Variants in BICRA observed in about 807,000 individuals in gnomAD.
BICRA encodes BRD4-interacting chromatin-remodeling complex-associated protein.
Under a neutral mutation model 96.9 loss-of-function variants are expected in BICRA, and 31 were observed. The ratio of observed to expected loss-of-function variants is 0.32; its 90% confidence interval spans 0.24 to 0.43. The LOEUF (loss-of-function observed/expected upper bound fraction) is 0.43, where lower values mean the gene tolerates loss of function less well. Among genes scored for constraint, BICRA ranks in the 20% least tolerant of loss-of-function variants. BICRA has a pLI of 1.00. For missense variants in BICRA, 2,283 were observed against 2,190.3 expected, an observed-to-expected ratio of 1.04 and a Z score of -0.84; for synonymous variants, 1,350 against 1,071.8, an observed-to-expected ratio of 1.26 and a Z score of -5.07.
At chr19:47,610,617 C>CCCCACA (rs751553560) in intron 1 of BICRA, among the ~76,000 whole-genome samples, 2 of 146,420 alleles carry the variant, frequency 1.4e-5, no homozygotes, top group Non-Finnish European at 3.0e-5. Context: ...CACCCCCCCC[C>CCCCACA]CACACACACA....
Position 47,673,748 on chromosome 19 carries a change from C to T in BICRA, c.70C>T (p.His24Tyr). The T allele has an allele frequency of 6.2e-7, 1 of 1,613,070 alleles. No individual in the cohort carries two copies. Reference protein sequence around the residue: ...CDPQALNDFLHGSEKLDSDDL... With the variant: ...CDPQALNDFLYGSEKLDSDDL... Reference sequence around the variant, plus strand: ...CCCACAGGCCCTCAATGACTTCTTGCATGGATCCGAGAAGGTAAGCATGGG... The same window carrying T: ...CCCACAGGCCCTCAATGACTTCTTGTATGGATCCGAGAAGGTAAGCATGGG... Residue 24 changes from histidine to tyrosine, a missense_variant, in exon 4 of 15, where the codon CAT becomes TAT. Transcript: ENST00000594866.
At chr19:47,683,218 T>C (rs948661713) in intron 7 of BICRA, among the ~76,000 whole-genome samples, 1 of 152,190 alleles carries the variant, frequency 6.6e-6, no homozygotes. Flanking sequence ...TTGCCGCCTG[T>C]GGAGTGTAAA....
intron 1 of BICRA, among the ~76,000 whole-genome samples, chr19:47,610,265 C>T (rs554520427): frequency 1.2e-4 from 18 of 152,348 alleles, no homozygotes; most frequent in African/African-American, 3.4e-4. Context: ...GTCTGCTTCC[C>T]CGACTCCTGT....
At chr19:47,690,146 T>C (rs1264546249) in intron 7 of BICRA, among the ~76,000 whole-genome samples, 1 of 151,958 alleles carries the variant, frequency 6.6e-6, no homozygotes, top group African/African-American at 2.4e-5. Flanking sequence ...GGATTACAGG[T>C]GCACGCCACC....
Position 47,700,997 on chromosome 19 carries a change from C to CA in BICRA, c.3596-328dup, listed in dbSNP as rs774361402. 2.1e-5 allele frequency: 8 copies of CA among 388,696 alleles called. No individual in the cohort carries two copies. In the Admixed American group the frequency reaches 3.6e-4, roughly 18 times the overall value. 24.1% of individuals were successfully genotyped at this position (388,696 alleles called of 1,614,324 possible). A position where few individuals can be genotyped will look rare whatever the true frequency, so the allele number is the denominator to read the frequency against. On this transcript the variant is annotated intron_variant, in intron 14 of 14. Transcript: ENST00000594866. The stretch of plus-strand genomic sequence containing the variant: ...CTCACTACTGTGGCCAGGCAGGTCT[C>CA]AAACTCCTGGGCTCAAGCGATCCCC...
In BICRA at chr19:47,681,968, C is replaced by G. The variant is rs749458422; in HGVS notation, c.2107-8C>G. Reference sequence around the variant, plus strand: ...GCTTTCTGATCCTGTGCGGGCTGCCCGTTGCAGGAGAGGAGCCAGCAGCCC... The same window carrying G: ...GCTTTCTGATCCTGTGCGGGCTGCCGGTTGCAGGAGAGGAGCCAGCAGCCC... On this transcript the variant is annotated splice_region_variant and splice_polypyrimidine_tract_variant and intron_variant, in intron 6 of 14. Transcript: ENST00000594866. The G allele has an allele frequency of 6.5e-6, 10 of 1,548,256 alleles. No homozygotes were observed. Among genetic ancestry groups the G allele is most frequent in the African/African-American group, 4.1e-5 (3 of 73,188 alleles).
At chr19:47,679,288 A>G in intron 5 of BICRA, 33 bp from the exon 6 acceptor site, 1 of 1,410,144 alleles carries the variant, frequency 7.1e-7, no homozygotes, top group Non-Finnish European at 9.3e-7. Flanking sequence ...TGCTAACCTC[A>G]GCTCTTTCCT....
chr19:47,653,599 G>A (rs1972572238), intron 1 of BICRA, among the ~76,000 whole-genome samples: 1 of 152,108 alleles, frequency 6.6e-6, no homozygotes, highest in Non-Finnish European at 1.5e-5. Context: ...TTGCATAAAT[G>A]GAATCATGGA....
intron 6 of BICRA, 40 bp from the exon 7 acceptor site, chr19:47,681,936 G>T: frequency 6.9e-7 from 1 of 1,445,086 alleles, no homozygotes; most frequent in Non-Finnish European, 9.3e-7. Context: ...GAGGGCCTGT[G>T]GGGGCGGCTT....
At chr19:47,619,746 A>G (rs1972037913) in intron 1 of BICRA, among the ~76,000 whole-genome samples, 1 of 152,164 alleles carries the variant, frequency 6.6e-6, no homozygotes, top group African/African-American at 2.4e-5. Flanking sequence ...AAAAACAAAT[A>G]AAGACCTTAG....
At chr19:47,611,131 A>G (rs568092823) in intron 1 of BICRA, among the ~76,000 whole-genome samples, 6 of 152,196 alleles carry the variant, frequency 3.9e-5, no homozygotes, top group African/African-American at 1.4e-4. Flanking sequence ...CAGAGCCCCA[A>G]TTTGTAACCT....
In BICRA at chr19:47,694,533, C is replaced by T. The variant is rs746576492; in HGVS notation, c.2702C>T (p.Pro901Leu). ...GAGACGTCCTCCAGGTTGCCAGCCC[C>T]TACGCCATCCGACTTCCAGCTCCAG... is the stretch of plus-strand genomic sequence containing the variant. ...SSETSSRLPA[P>L]TPSDFQLQFP... Residue 901 changes from proline to leucine, a missense_variant, in exon 8 of 15, where the codon CCT becomes CTT. Pro to Leu is a moderately conservative substitution (Grantham distance 98). Coordinates refer to ENST00000594866, the MANE Select transcript of BICRA (RefSeq NM_001394372.1). 11 of 1,610,424 alleles carry T rather than the reference C, an allele frequency of 6.8e-6. No homozygotes were observed. The Admixed American group carries it at 1.7e-4, about 25-fold the overall frequency.
chr19:47,702,069 GC>G lies in BICRA; in HGVS notation c.4343del (p.Pro1448ArgfsTer62), dbSNP rs1424525709. 3 of 1,511,008 alleles carry G rather than the reference GC, an allele frequency of 2.0e-6. No homozygotes were observed. 93.6% of individuals were successfully genotyped at this position (1,511,008 alleles called of 1,614,324 possible). On this transcript the variant is annotated frameshift_variant, in exon 15 of 15. Transcript: ENST00000594866. LOFTEE classifies it high-confidence loss of function. ...GAGCTGTACCAGCGTATGCTGAAGG[GC>G]CCCCCGCCAGAGCCCGCAGCCAGCG... ...EDELYQRMLK[G>X]PPPEPAASAA... is the part of the protein sequence containing the mutation.
At position 47,680,607 on chromosome 19, in the gene BICRA, G is replaced by T. The variant is rs760595414; in HGVS notation, c.1437G>T (p.Ala479=). The T allele has an allele frequency of 6.2e-7, 1 of 1,609,976 alleles. No individual in the cohort carries two copies. Residue 479 remains alanine (A), a synonymous_variant, in exon 6 of 15, where the codon GCG becomes GCT. Transcript: ENST00000594866. The part of the protein sequence containing the change: ...QNQFLLPGAP[A]VQLPQQLSAL... ...AGTTCCTACTGCCTGGCGCCCCGGC[G>T]GTCCAGCTCCCGCAGCAGCTCTCAG...
rs1292305197 is a variant in BICRA, at chr19:47,631,494, C to G, written c.-108+22326C>G. 8.5e-5 allele frequency among the ~76,000 whole-genome samples: 13 copies of G among 152,128 alleles called. 1 individual carries two copies. The East Asian group carries it at 2.5e-3, about 29-fold the overall frequency. ...CTGCCCTCCTCAGCCTCCCAAAGAT[C>G]TGGGATTATAGGCATGAGCCACCAC... On this transcript the variant is annotated intron_variant, in intron 1 of 14. Coordinates refer to ENST00000594866, the MANE Select transcript of BICRA (RefSeq NM_001394372.1).
intron 7 of BICRA, among the ~76,000 whole-genome samples, chr19:47,684,919 A>G (rs1005373690): frequency 1.3e-5 from 2 of 152,240 alleles, no homozygotes; most frequent in African/African-American, 4.8e-5. Flanking sequence ...GCACAGAGCC[A>G]GCGCTCAGTG....
intron 1 of BICRA, among the ~76,000 whole-genome samples, chr19:47,651,490 T>G (rs1450772704): frequency 6.6e-6 from 1 of 152,054 alleles, no homozygotes; most frequent in African/African-American, 2.4e-5. Flanking sequence ...ATCCTTGCCC[T>G]CATCTTCTCC....
rs1972836466 is a variant in BICRA, at chr19:47,669,811, C to T, written c.-107-632C>T. On this transcript the variant is annotated intron_variant, in intron 1 of 14. Transcript: ENST00000594866. ...AGCTGGGACTACAGGCGCCCGCCAGCACGCCCGGCTAATTTTTTGTATTTT... is the reference window on the plus strand; with the variant it reads ...AGCTGGGACTACAGGCGCCCGCCAGTACGCCCGGCTAATTTTTTGTATTTT... Among the ~76,000 whole-genome samples, 7 of 151,156 alleles carry T rather than the reference C, an allele frequency of 4.6e-5. 1 individual carries two copies. The South Asian group carries it at 1.5e-3, about 32-fold the overall frequency.
chr19:47,632,544 G>A (rs771837876), intron 1 of BICRA, among the ~76,000 whole-genome samples: 8 of 152,240 alleles, frequency 5.3e-5, no homozygotes, highest in Non-Finnish European at 1.5e-5. Flanking sequence ...TGGTCCCACC[G>A]CAGGGAGCGT....
Sources: allele counts gnomAD v4.1 joint callset (sites outside exome capture counted in the v4.1 genomes callset), GRCh38; gene constraint gnomAD v4.1.1; transcripts MANE v1.5; gene names NCBI Gene and HGNC (gene_info 2026-07-23, HGNC 2026-07-21).